Variants in BCKDHB observed in about 807,000 individuals in gnomAD.
BCKDHB encodes the protein branched chain keto acid dehydrogenase E1 subunit beta, also known as 2-oxoisovalerate dehydrogenase subunit beta, mitochondrial.
In BCKDHB, 41 loss-of-function variants were observed where a neutral mutation model predicts 48.5. The observed-to-expected ratio is 0.85, with a 90% CI of 0.66 to 1.10. The LOEUF (loss-of-function observed/expected upper bound fraction) is 1.10, where lower values mean the gene tolerates loss of function less well. Among genes scored for constraint, BCKDHB ranks in the 50% least tolerant of loss-of-function variants. The pLI is 0.00. For synonymous variants in BCKDHB, 201 were observed against 174.8 expected (o/e 1.15, Z -1.18); for missense variants, 496 against 494.2 (o/e 1.00, Z -0.03).
intron 9 of BCKDHB, among the ~76,000 whole-genome samples, chr6:80,285,983 T>C (rs1440545231): frequency 6.6e-6 from 1 of 152,082 alleles, no homozygotes; most frequent in East Asian, 1.9e-4. Context: ...GTAAGAGATG[T>C]TGATTCTCCC....
the BCKDHB span, among the ~76,000 whole-genome samples, chr6:80,407,081 C>G: frequency 6.6e-6 from 1 of 152,156 alleles, no homozygotes; most frequent in African/African-American, 2.4e-5. Context: ...TATGGCTAGC[C>G]AGTTTTCCCA....
the BCKDHB span, among the ~76,000 whole-genome samples, chr6:80,420,061 TTTAA>T: frequency 6.6e-6 from 1 of 152,316 alleles, no homozygotes; most frequent in South Asian, 2.1e-4. Flanking sequence ...CCTGATGTTG[TTTAA>T]TTGTCTATTT....
chr6:80,444,017 A>G, the BCKDHB span, among the ~76,000 whole-genome samples: 1 of 151,976 alleles, frequency 6.6e-6, no homozygotes, highest in Non-Finnish European at 1.5e-5. Context: ...CAAAGTAAAG[A>G]AATTACATAT....
chr6:80,110,630 G>T (rs2127705642), intron 1 of BCKDHB, among the ~76,000 whole-genome samples: 1 of 152,312 alleles, frequency 6.6e-6, no homozygotes, highest in African/African-American at 2.4e-5. Context: ...GGGGCCAGAG[G>T]AATGGAAAAT....
chr6:80,302,261 T>C (rs1333949819), intron 9 of BCKDHB, among the ~76,000 whole-genome samples: 1 of 152,132 alleles, frequency 6.6e-6, no homozygotes, highest in Non-Finnish European at 1.5e-5. Flanking sequence ...CTACAGACTC[T>C]GCCAAAAGGC....
chr6:80,433,780 A>T, the BCKDHB span, among the ~76,000 whole-genome samples: 2 of 152,144 alleles, frequency 1.3e-5, no homozygotes, highest in Admixed American at 1.3e-4. Flanking sequence ...TTTTTAAAAA[A>T]CACTGATTTT....
At chr6:80,406,547 TC>T in the BCKDHB span, among the ~76,000 whole-genome samples, 1 of 152,222 alleles carries the variant, frequency 6.6e-6, no homozygotes. Flanking sequence ...TGATCACCAT[TC>T]TAACTGGTGT....
chr6:80,293,975 C>T (rs369433282), intron 9 of BCKDHB, among the ~76,000 whole-genome samples: 29 of 152,162 alleles, frequency 1.9e-4, no homozygotes, highest in African/African-American at 3.1e-4. Flanking sequence ...TATCACTATC[C>T]GCATTTTGGT....
At chr6:80,354,522 C>A in the BCKDHB span, among the ~76,000 whole-genome samples, 1 of 152,172 alleles carries the variant, frequency 6.6e-6, no homozygotes, top group African/African-American at 2.4e-5. Context: ...AGCCTCCATG[C>A]CTGGCCCTAT....
At chr6:80,348,216 A>T (rs918254789), downstream of BCKDHB, among the ~76,000 whole-genome samples, 5 of 105,148 alleles carry the variant, frequency 4.8e-5, no homozygotes, top group African/African-American at 2.6e-4. Context: ...GTGTATATTT[A>T]AAAAAAAATG....
At chr6:80,404,430 A>G in the BCKDHB span, among the ~76,000 whole-genome samples, 1 of 148,356 alleles carries the variant, frequency 6.7e-6, no homozygotes, top group Non-Finnish European at 1.5e-5. Flanking sequence ...TCTCTTATTT[A>G]TAATTTTATT....
chr6:80,284,473 C>T (rs1766528939), intron 9 of BCKDHB, among the ~76,000 whole-genome samples: 1 of 66,712 alleles, frequency 1.5e-5, no homozygotes, highest in South Asian at 3.5e-4. Context: ...CATTTTCTTT[C>T]AAGTTAACTT....
At chr6:80,180,714 G>A (rs1048562014) in intron 6 of BCKDHB, among the ~76,000 whole-genome samples, 6 of 152,132 alleles carry the variant, frequency 3.9e-5, no homozygotes, top group African/African-American at 1.4e-4. Context: ...ATTTTGAAGA[G>A]ACGAACATTA....
the BCKDHB span, among the ~76,000 whole-genome samples, chr6:80,352,812 G>A: frequency 6.6e-6 from 1 of 152,194 alleles, no homozygotes; most frequent in Non-Finnish European, 1.5e-5. Context: ...CTCTCAGCCT[G>A]AAAGTTGAAT....
chr6:80,123,028 T>C (rs981542844), intron 1 of BCKDHB, among the ~76,000 whole-genome samples: 3 of 145,072 alleles, frequency 2.1e-5, no homozygotes, highest in African/African-American at 7.5e-5. Context: ...TAATATTCCT[T>C]GCTAGGAAAA....
At chr6:80,281,662 T>G (rs1778199630) in intron 9 of BCKDHB, among the ~76,000 whole-genome samples, 1 of 152,200 alleles carries the variant, frequency 6.6e-6, no homozygotes, top group South Asian at 2.1e-4. Context: ...TTAATGCTAT[T>G]CACTTGGCAT....
At chr6:80,214,645 A>G (rs1775086796) in intron 8 of BCKDHB, among the ~76,000 whole-genome samples, 1 of 152,228 alleles carries the variant, frequency 6.6e-6, no homozygotes, top group African/African-American at 2.4e-5. Context: ...TTTCATGGTT[A>G]ATACCACTAG....
the BCKDHB span, among the ~76,000 whole-genome samples, chr6:80,391,175 A>G: frequency 7.7e-3 from 1,107 of 144,084 alleles, 10 homozygotes; most frequent in African/African-American, 0.024. Flanking sequence ...ATGCATATAT[A>G]TATGTGTGTG....
At chr6:80,243,320 CA>C (rs1196162825) in intron 8 of BCKDHB, among the ~76,000 whole-genome samples, 19 of 152,134 alleles carry the variant, frequency 1.2e-4, no homozygotes, top group Admixed American at 1.2e-3. Flanking sequence ...GAGTCCCAAT[CA>C]GGGGGAAGAG....
Sources: gnomAD v4.1 joint callset for allele counts (sites outside exome capture counted in the v4.1 genomes callset) on GRCh38, gnomAD v4.1.1 for gene constraint, MANE v1.5 for transcripts, NCBI Gene and HGNC (gene_info 2026-07-23, HGNC 2026-07-21) for gene names.